Variants in EPHA5 observed in about 807,000 individuals in gnomAD.
EPHA5 encodes ephrin type-A receptor 5.
Under a neutral mutation model 105.0 loss-of-function variants are expected in EPHA5, and 60 were observed. That is an observed-to-expected ratio of 0.57 (90% CI 0.46 to 0.71). The LOEUF is 0.71. EPHA5 is among the 30% of genes least tolerant of loss of function. The pLI, the probability that EPHA5 is intolerant of heterozygous loss-of-function variation, is 0.00. For synonymous variants in EPHA5, 513 were observed against 449.1 expected (o/e 1.14, Z -1.80); for missense variants, 1,218 against 1,274.7 (o/e 0.96, Z 0.68).
chr4:65,320,471 A>T lies in EPHA5; in HGVS notation c.*3643T>A, dbSNP rs1348968720. ...TTTTCTTATTTTTAGGAAAAACAAA[A>T]TGAGAAAGGGACCTTATTCTACTAT... is the stretch of plus-strand genomic sequence containing the variant. On this transcript the variant is annotated 3_prime_UTR_variant, in exon 17 of 17. Coordinates refer to ENST00000613740, the MANE Select transcript of EPHA5 (RefSeq NM_001281766.3). 4.4e-6 allele frequency: 1 copy of T among 229,194 alleles called. No homozygotes were observed. Among genetic ancestry groups the T allele is most frequent in the African/African-American group, 2.2e-5 (1 of 45,088 alleles). The allele number at this position is 229,194 out of a possible 1,614,324, so 14.2% of individuals were successfully genotyped here. A position where few individuals can be genotyped will look rare whatever the true frequency, so the allele number is the denominator to read the frequency against.
intron 2 of EPHA5, among the ~76,000 whole-genome samples, chr4:65,605,803 A>G (rs1450781940): frequency 1.3e-5 from 2 of 152,124 alleles, no homozygotes; most frequent in Non-Finnish European, 2.9e-5. Flanking sequence ...TATAATATCT[A>G]GATATATAAG....
intron 1 of EPHA5, 86 bp downstream of exon 1, chr4:65,669,476 C>A (rs1750261621): frequency 1.6e-6 from 2 of 1,273,054 alleles, no homozygotes; most frequent in Admixed American, 4.0e-5. Flanking sequence ...GCAGCAGCAG[C>A]GTCCAGCGCG....
chr4:65,575,702 TG>T (rs1487447231), intron 3 of EPHA5, among the ~76,000 whole-genome samples: 2 of 152,110 alleles, frequency 1.3e-5, no homozygotes, highest in Admixed American at 6.6e-5. Context: ...CTGCACGTGG[TG>T]GCTCACACCT....
chr4:65,669,289 C>T (rs961254830), intron 1 of EPHA5: 3 of 698,110 alleles, frequency 4.3e-6, no homozygotes, highest in Non-Finnish European at 3.5e-6. Context: ...GACCTCCTTT[C>T]CCCCAAGGTT....
At chr4:65,547,781 C>T (rs1269380960) in intron 3 of EPHA5, among the ~76,000 whole-genome samples, 1 of 151,958 alleles carries the variant, frequency 6.6e-6, no homozygotes, top group South Asian at 2.1e-4. Context: ...CAGGGCCACT[C>T]AATGACAGGG....
At chr4:65,508,209 T>C (rs1323027042) in intron 3 of EPHA5, among the ~76,000 whole-genome samples, 7 of 152,114 alleles carry the variant, frequency 4.6e-5, no homozygotes, top group Admixed American at 4.6e-4. Flanking sequence ...AAGAAAAGCT[T>C]AATGGCCTGT....
At chr4:65,431,955 T>C (rs1445529786) in intron 5 of EPHA5, among the ~76,000 whole-genome samples, 1 of 152,134 alleles carries the variant, frequency 6.6e-6, no homozygotes, top group East Asian at 1.9e-4. Context: ...GAGATATTTC[T>C]GACAAGTAGT....
chr4:65,522,316 G>GTATATATATATATATATATATACA (rs58851174), intron 3 of EPHA5, among the ~76,000 whole-genome samples: 5,078 of 142,652 alleles, frequency 0.036, 362 homozygotes, highest in African/African-American at 0.13. Context: ...ATATATATAT[G>GTATATATATATATATATATATACA]TATATATATA....
chr4:65,618,347 C>T (rs1745424095), intron 2 of EPHA5, among the ~76,000 whole-genome samples: 1 of 151,870 alleles, frequency 6.6e-6, no homozygotes, highest in South Asian at 2.1e-4. Flanking sequence ...AAGACAATTA[C>T]TAGAAATTTA....
In EPHA5 at chr4:65,348,813, A is replaced by G. The variant is rs59069472; in HGVS notation, c.2446-610T>C. ...TGTGTGTATATATATATATATATAT[A>G]TATTTTTTTTTTTTTTTTTTGAGAC... On this transcript the variant is annotated intron_variant, in intron 13 of 16. Coordinates refer to ENST00000613740, the MANE Select transcript of EPHA5 (RefSeq NM_001281766.3). Among the ~76,000 whole-genome samples the G allele has an allele frequency of 7.3e-4, 30 of 41,348 alleles. 4 individuals carry two copies. Among genetic ancestry groups the G allele is most frequent in the Admixed American group, 7.8e-4 (2 of 2,556 alleles). 27.1% of individuals were successfully genotyped at this position (41,348 alleles called of 152,430 possible). A position where few individuals can be genotyped will look rare whatever the true frequency, so the allele number is the denominator to read the frequency against.
At chr4:65,526,706 T>C (rs1735265072) in intron 3 of EPHA5, among the ~76,000 whole-genome samples, 1 of 151,924 alleles carries the variant, frequency 6.6e-6, no homozygotes, top group African/African-American at 2.4e-5. Context: ...GTCACCAAAA[T>C]GTCATGAGAG....
At chr4:65,399,260 C>A (rs1721574209) in intron 8 of EPHA5, among the ~76,000 whole-genome samples, 1 of 152,186 alleles carries the variant, frequency 6.6e-6, no homozygotes, top group Non-Finnish European at 1.5e-5. Context: ...GTGCTGGTAT[C>A]AGGAGCAACC....
chr4:65,351,682 T>C (rs1722834270), intron 12 of EPHA5, 84 bp from the exon 13 acceptor site: 19 of 1,216,936 alleles, frequency 1.6e-5, no homozygotes, highest in Admixed American at 1.9e-5. Flanking sequence ...ATCCCCCAAA[T>C]TGATACTATC....
At chr4:65,637,597 T>C (rs866762799) in intron 2 of EPHA5, among the ~76,000 whole-genome samples, 16 of 144,528 alleles carry the variant, frequency 1.1e-4, no homozygotes, top group African/African-American at 3.5e-4. Context: ...TATATATATA[T>C]ACGTATATGC....
At chr4:65,531,078 C>A (rs981455574) in intron 3 of EPHA5, among the ~76,000 whole-genome samples, 3 of 149,690 alleles carry the variant, frequency 2.0e-5, no homozygotes, top group East Asian at 2.0e-4. Context: ...TCGCCCAGGC[C>A]GGACTGCGGA....
intron 5 of EPHA5, among the ~76,000 whole-genome samples, chr4:65,431,317 C>A (rs1724950108): frequency 6.6e-6 from 1 of 152,056 alleles, no homozygotes; most frequent in African/African-American, 2.4e-5. Flanking sequence ...CATAAATATC[C>A]TCTAGTTTAT....
chr4:65,511,901 C>G lies in EPHA5; in HGVS notation c.911-16358G>C, dbSNP rs28707713. ...TACATATGTACACTTGGCTGAAATA[C>G]AGAGTAAAAGAGAGGTGTCCTAGAA... On this transcript the variant is annotated intron_variant, in intron 3 of 16. Coordinates refer to ENST00000613740, the MANE Select transcript of EPHA5 (RefSeq NM_001281766.3). Among the ~76,000 whole-genome samples the G allele has an allele frequency of 8.4e-3, 1,275 of 152,064 alleles. 16 individuals carry two copies. Among genetic ancestry groups the G allele is most frequent in the African/African-American group, 0.028 (1,151 of 41,482 alleles).
chr4:65,451,255 C>T (rs926994541), intron 5 of EPHA5, among the ~76,000 whole-genome samples: 18 of 152,004 alleles, frequency 1.2e-4, no homozygotes, highest in Non-Finnish European at 1.3e-4. Context: ...TGAAAAAGGC[C>T]GTAACCATAT....
At chr4:65,657,473 G>A (rs1749176358) in intron 1 of EPHA5, among the ~76,000 whole-genome samples, 1 of 152,144 alleles carries the variant, frequency 6.6e-6, no homozygotes, top group Non-Finnish European at 1.5e-5. Context: ...CTAGCAGCTT[G>A]CTAATCTCAG....
Sources: allele counts gnomAD v4.1 joint callset (sites outside exome capture counted in the v4.1 genomes callset), GRCh38; gene constraint gnomAD v4.1.1; transcripts MANE v1.5; gene names NCBI Gene and HGNC (gene_info 2026-07-23, HGNC 2026-07-21).